The following ANO3 variants were observed in gnomAD, a reference collection of about 807,000 sequenced individuals.
The protein encoded by ANO3 is anoctamin-3.
ANO3 carries 99 observed loss-of-function variants against 144.8 expected under a neutral mutation model. The ratio of observed to expected loss-of-function variants is 0.68; its 90% CI spans 0.58 to 0.81. The LOEUF is 0.81. Among genes scored for constraint, ANO3 ranks in the 30% least tolerant of loss-of-function variants. ANO3 has a pLI of 0.00. For synonymous variants in ANO3, 414 were observed against 392.6 expected (o/e 1.05, Z -0.64); for missense variants, 905 against 1,202.2 (o/e 0.75, Z 3.66).
intron 1 of ANO3, among the ~76,000 whole-genome samples, chr11:26,196,175 C>T (rs1055550358): frequency 1.3e-5 from 2 of 152,160 alleles, no homozygotes; most frequent in African/African-American, 4.8e-5. Context: ...TTAGACCAAA[C>T]AAATGCTCTC....
intron 10 of ANO3, among the ~76,000 whole-genome samples, chr11:26,540,549 C>A (rs970830021): frequency 6.6e-6 from 1 of 151,968 alleles, no homozygotes; most frequent in African/African-American, 2.4e-5. Context: ...ATTTTGCAAT[C>A]TATTGATCTG....
At chr11:26,538,970 CT>C (rs1320193118) in intron 10 of ANO3, among the ~76,000 whole-genome samples, 1 of 152,054 alleles carries the variant, frequency 6.6e-6, no homozygotes, top group African/African-American at 2.4e-5. Context: ...TCTAGGCTTC[CT>C]TTTTCCTTTT....
At chr11:26,583,873 G>A (rs1367217226) in intron 14 of ANO3, among the ~76,000 whole-genome samples, 2 of 152,112 alleles carry the variant, frequency 1.3e-5, no homozygotes, top group Non-Finnish European at 2.9e-5. Context: ...TTTCAACTGG[G>A]CCTTCTTTTG....
intron 1 of ANO3, among the ~76,000 whole-genome samples, chr11:26,393,104 G>C (rs1856923547): frequency 6.6e-6 from 1 of 152,222 alleles, no homozygotes; most frequent in African/African-American, 2.4e-5. Flanking sequence ...ATTCTAAAAA[G>C]CCATGGCTGA....
intron 17 of ANO3, among the ~76,000 whole-genome samples, chr11:26,622,397 C>T (rs294005): frequency 0.13 from 19,284 of 146,584 alleles, 1,630 homozygotes; most frequent in African/African-American, 0.24. Flanking sequence ...GAATTGGAGA[C>T]CAGACTGGGC....
rs1200051681 is a variant in ANO3 at position 26,617,952 on chromosome 11, G to A, written c.1837-6510G>A. Among the ~76,000 whole-genome samples the A allele has an allele frequency of 5.9e-5, 9 of 152,250 alleles. No individual in the cohort carries two copies. In the East Asian group the frequency reaches 1.7e-3, roughly 29 times the overall value. ...GTAGGGCTAGATTAAAACCATTAAT[G>A]TTAAATATTATACCATCAAAAGTAT... On this transcript the variant is annotated intron_variant, in intron 17 of 26. Transcript: ENST00000256737.
intron 1 of ANO3, among the ~76,000 whole-genome samples, chr11:26,406,982 ATATT>A (rs1466000665): frequency 6.9e-6 from 1 of 145,164 alleles, no homozygotes; most frequent in Non-Finnish European, 1.5e-5. Context: ...GTATATATAT[ATATT>A]TATAGGTGTG....
intron 17 of ANO3, among the ~76,000 whole-genome samples, chr11:26,602,062 T>C (rs1336921087): frequency 6.6e-6 from 1 of 152,106 alleles, no homozygotes; most frequent in Non-Finnish European, 1.5e-5. Flanking sequence ...GTACGTTTTA[T>C]GATAGTGGAT....
chr11:26,234,679 A>C (rs563088436), intron 1 of ANO3, among the ~76,000 whole-genome samples: 18 of 152,278 alleles, frequency 1.2e-4, no homozygotes, highest in African/African-American at 4.3e-4. Flanking sequence ...ATATCCTTTG[A>C]GTTTCCCCTA....
intron 26 of ANO3, among the ~76,000 whole-genome samples, chr11:26,659,226 T>G (rs935847918): frequency 6.6e-6 from 1 of 152,042 alleles, no homozygotes; most frequent in Middle Eastern, 3.2e-3. Flanking sequence ...TTATCACCAC[T>G]TTAGGGATAT....
chr11:26,429,495 G>A (rs374417890), intron 1 of ANO3, among the ~76,000 whole-genome samples: 36 of 148,382 alleles, frequency 2.4e-4, no homozygotes, highest in Non-Finnish European at 4.2e-4. Flanking sequence ...AGAGAATGAA[G>A]TAAATATGAA....
rs1322363120 is a variant in ANO3 at position 26,662,882 on chromosome 11, C to T, written c.*2438C>T. 1 of 152,358 alleles carries T rather than the reference C, an allele frequency of 6.6e-6. No individual in the cohort carries two copies. Among genetic ancestry groups the T allele is most frequent in the African/African-American group, 2.4e-5 (1 of 41,402 alleles). The allele number at this position is 152,358 out of a possible 1,614,324, so 9.4% of individuals were successfully genotyped here. On this transcript the variant is annotated 3_prime_UTR_variant, in exon 27 of 27. Transcript: ENST00000256737. Reference sequence around the variant, plus strand: ...TTTAGTTGAGAGAAATGTTTTATATCATGGTTTTTATATGAATACAAATTA... The same window carrying T: ...TTTAGTTGAGAGAAATGTTTTATATTATGGTTTTTATATGAATACAAATTA...
chr11:26,320,749 G>A (rs1199109685), intron 1 of ANO3, among the ~76,000 whole-genome samples: 1 of 151,756 alleles, frequency 6.6e-6, no homozygotes, highest in African/African-American at 2.4e-5. Context: ...ATTTTACCTT[G>A]ATTAATATTA....
chr11:26,584,693 G>A (rs1250315836), intron 14 of ANO3, among the ~76,000 whole-genome samples: 2 of 152,164 alleles, frequency 1.3e-5, no homozygotes, highest in East Asian at 3.8e-4. Flanking sequence ...TGCTGAAGAT[G>A]CACAAGCTCA....
Position 26,347,752 on chromosome 11 carries a change from A to G in ANO3, c.46+15431A>G, listed in dbSNP as rs554071273. Among the ~76,000 whole-genome samples, 17 of 152,354 alleles carry G rather than the reference A, an allele frequency of 1.1e-4. 1 individual carries two copies. The South Asian group carries it at 3.5e-3, about 32-fold the overall frequency. ...AAGAAAATGAAAGAGCAATTACAGG[A>G]AGGCAAAAAAGTTTGGAATAGCATC... is the stretch of plus-strand genomic sequence containing the variant. On this transcript the variant is annotated intron_variant, in intron 1 of 26. Coordinates refer to ENST00000256737, the MANE Select transcript of ANO3 (RefSeq NM_031418.4).
At chr11:26,518,846 G>A (rs1861958740) in intron 6 of ANO3, among the ~76,000 whole-genome samples, 2 of 151,896 alleles carry the variant, frequency 1.3e-5, no homozygotes, top group Non-Finnish European at 2.9e-5. Context: ...GCAATTAGAA[G>A]GAAATATAAT....
At chr11:26,557,077 A>G (rs12271337) in intron 13 of ANO3, among the ~76,000 whole-genome samples, 4,924 of 152,240 alleles carry the variant, frequency 0.032, 136 homozygotes, top group Admixed American at 0.088. Context: ...AAGAGAAATC[A>G]GGTGTCAAAG....
At chr11:26,270,907 TAAAAG>T (rs1853425004) in intron 1 of ANO3, among the ~76,000 whole-genome samples, 1 of 152,114 alleles carries the variant, frequency 6.6e-6, no homozygotes, top group Admixed American at 6.5e-5. Flanking sequence ...AGCTGGAGGA[TAAAAG>T]AAAAGAAGTC....
chr11:26,586,503 C>CTTTTTTTTTTTTTT lies in ANO3; in HGVS notation c.1448-11857_1448-11844dup, dbSNP rs550057766. Among the ~76,000 whole-genome samples, 476 of 81,416 alleles carry CTTTTTTTTTTTTTT rather than the reference C, an allele frequency of 5.8e-3. 99 individuals are homozygous for CTTTTTTTTTTTTTT. Among genetic ancestry groups the CTTTTTTTTTTTTTT allele is most frequent in the African/African-American group, 0.023 (436 of 19,018 alleles). The allele number at this position is 81,416 out of a possible 152,430, so 53.4% of individuals were successfully genotyped here. A position where few individuals can be genotyped will look rare whatever the true frequency, so the allele number is the denominator to read the frequency against. On this transcript the variant is annotated intron_variant, in intron 14 of 26. Coordinates refer to ENST00000256737, the MANE Select transcript of ANO3 (RefSeq NM_031418.4). ...AAGAAGGGGCTTCCCTGGTGAGAAT[C>CTTTTTTTTTTTTTT]TTTTTTTTTTTTTTTTTTGAGACAT...
Sources: gnomAD v4.1 joint callset for allele counts (sites outside exome capture counted in the v4.1 genomes callset) on GRCh38, gnomAD v4.1.1 for gene constraint, MANE v1.5 for transcripts, NCBI Gene and HGNC (gene_info 2026-07-23, HGNC 2026-07-21) for gene names.